The following GNS variants were observed in gnomAD, a reference collection of about 807,000 sequenced individuals.
GNS encodes N-acetylglucosamine-6-sulfatase.
In GNS, 40 loss-of-function variants were observed where a neutral mutation model predicts 69.7. The ratio of observed to expected loss-of-function variants is 0.57; its 90% CI spans 0.45 to 0.75. The LOEUF (loss-of-function observed/expected upper bound fraction) is 0.75. Ranked by LOEUF, GNS falls within the 30% of genes least tolerant of loss-of-function variation. The pLI is 0.00. For missense variants in GNS, 565 were observed against 685.5 expected (o/e 0.82, Z 1.96); for synonymous variants, 243 against 251.6 (o/e 0.97, Z 0.32).
At chr12:64,719,937 A>C in intron 13 of GNS, 85 bp downstream of exon 13, 1 of 872,806 alleles carries the variant, frequency 1.1e-6, no homozygotes, top group South Asian at 1.3e-5. Context: ...ATCATCTCAC[A>C]GCAAAAAGGG....
At chr12:64,747,531 T>G (rs572071968) in intron 3 of GNS, among the ~76,000 whole-genome samples, 181 bp downstream of exon 3, 1 of 152,232 alleles carries the variant, frequency 6.6e-6, no homozygotes, top group African/African-American at 2.4e-5. Context: ...CATGTAAATA[T>G]GTACATGTGT....
chr12:64,742,341 G>C (rs1356775476), intron 6 of GNS, among the ~76,000 whole-genome samples: 2 of 152,200 alleles, frequency 1.3e-5, no homozygotes, highest in African/African-American at 4.8e-5. Context: ...TTAAAACACA[G>C]TTCACTCAGC....
At chr12:64,750,343 TGGCCCA>T (rs1870039883) in intron 2 of GNS, among the ~76,000 whole-genome samples, 2 of 152,176 alleles carry the variant, frequency 1.3e-5, no homozygotes, top group South Asian at 4.2e-4. Context: ...CCACCATGCC[TGGCCCA>T]ATGCCCAGGT....
intron 2 of GNS, among the ~76,000 whole-genome samples, chr12:64,748,382 T>G (rs1869963911): frequency 6.6e-6 from 1 of 151,870 alleles, no homozygotes; most frequent in African/African-American, 2.4e-5. Flanking sequence ...TTTTCATTTT[T>G]TTATTTGTAG....
Position 64,755,577 on chromosome 12 carries a change from CAA to C in GNS, c.193-2822_193-2821del, listed in dbSNP as rs1287284127. ...TGGGTGACAGAGCAAGACTCCAACT[CAA>C]AAAAAAAAAAAAAATTATTCTTCCC... On this transcript the variant is annotated intron_variant, in intron 1 of 13. Coordinates refer to ENST00000258145, the MANE Select transcript of GNS (RefSeq NM_002076.4). 5.1e-3 allele frequency among the ~76,000 whole-genome samples: 510 copies of C among 99,724 alleles called. 3 individuals are homozygous for C. Among genetic ancestry groups the C allele is most frequent in the African/African-American group, 0.017 (468 of 28,304 alleles). 65.4% of individuals were successfully genotyped at this position (99,724 alleles called of 152,430 possible). A position where few individuals can be genotyped will look rare whatever the true frequency, so the allele number is the denominator to read the frequency against.
intron 1 of GNS, among the ~76,000 whole-genome samples, chr12:64,758,308 CCTTTT>C (rs1274898776): frequency 7.8e-5 from 9 of 115,692 alleles, no homozygotes; most frequent in African/African-American, 1.9e-4. Flanking sequence ...TCACTTCAGG[CCTTTT>C]TTTTTTTTTT....
Position 64,713,538 on chromosome 12 carries a change from G to C in GNS, c.*3203C>G, listed in dbSNP as rs1425633937. The stretch of plus-strand genomic sequence containing the variant: ...ACTTTCTAAGTCAAATGACTGAGAT[G>C]ACACAGAGCAAGGGCAGAATAGGAA... On this transcript the variant is annotated 3_prime_UTR_variant, in exon 14 of 14. Coordinates refer to ENST00000258145, the MANE Select transcript of GNS (RefSeq NM_002076.4). 3 of 152,654 alleles carry C rather than the reference G, an allele frequency of 2.0e-5. No individual in the cohort carries two copies. The highest frequency in any genetic ancestry group is 2.9e-5 in the Non-Finnish European group (2 of 68,030). The allele number at this position is 152,654 out of a possible 1,614,324, so 9.5% of individuals were successfully genotyped here. A position where few individuals can be genotyped will look rare whatever the true frequency, so the allele number is the denominator to read the frequency against.
In GNS at chr12:64,743,313, C is replaced by T; in HGVS notation, c.625-5G>A. The T allele has an allele frequency of 6.2e-7, 1 of 1,606,570 alleles. No homozygotes were observed. The highest frequency in any genetic ancestry group is 8.5e-7 in the Non-Finnish European group (1 of 1,173,278). On this transcript the variant is annotated splice_region_variant and splice_polypyrimidine_tract_variant and intron_variant, in intron 5 of 13. Coordinates refer to ENST00000258145, the MANE Select transcript of GNS (RefSeq NM_002076.4). Reference sequence around the variant, plus strand: ...AAAGTCCAAGGAGACATTAGCCTGACACATAAAAAGATTTGTCATCTCCTA... The same window carrying T: ...AAAGTCCAAGGAGACATTAGCCTGATACATAAAAAGATTTGTCATCTCCTA...
chr12:64,758,223 A>G (rs1174505021), intron 1 of GNS, among the ~76,000 whole-genome samples: 1 of 151,148 alleles, frequency 6.6e-6, no homozygotes, highest in East Asian at 1.9e-4. Context: ...GTTCAATCAC[A>G]CTAATTGAAT....
At chr12:64,724,596 G>A (rs939588077) in intron 10 of GNS, among the ~76,000 whole-genome samples, 5 of 152,192 alleles carry the variant, frequency 3.3e-5, no homozygotes, top group African/African-American at 9.7e-5. Flanking sequence ...GGTGGCTCAC[G>A]CCTGTAATCC....
At chr12:64,748,121 AACTG>A (rs1275843335) in intron 2 of GNS, among the ~76,000 whole-genome samples, 1 of 152,232 alleles carries the variant, frequency 6.6e-6, no homozygotes. Flanking sequence ...AGACAGAACA[AACTG>A]AGAACGGATT....
chr12:64,743,431 G>C, intron 5 of GNS, 123 bp from the exon 6 acceptor site: 1 of 730,790 alleles, frequency 1.4e-6, no homozygotes, highest in Non-Finnish European at 2.5e-6. Flanking sequence ...CTTAGCACAT[G>C]ATCTTATGTC....
Position 64,747,871 on chromosome 12 carries a change from T to G in GNS, c.300A>C (p.Thr100=), listed in dbSNP as rs370542872. 1 of 1,612,012 alleles carries G rather than the reference T, an allele frequency of 6.2e-7. No homozygotes were observed. Among genetic ancestry groups the G allele is most frequent in the Non-Finnish European group, 8.5e-7 (1 of 1,178,048 alleles). The change falls in exon 3 of 14, where the codon ACA becomes ACC. Residue 100 remains threonine (T), a synonymous_variant. Transcript: ENST00000258145. ...LCCPSRASIL[T]GKYPHNHHVV... is the part of the protein sequence containing the mutation. ...CGTGATGATTATGTGGGTACTTTCC[T>G]GTCAGGATACTGGCTCTGCTGGGGC... is the stretch of plus-strand genomic sequence containing the variant.
intron 1 of GNS, chr12:64,756,666 C>T: frequency 9.6e-7 from 1 of 1,046,830 alleles, no homozygotes; most frequent in Non-Finnish European, 1.4e-6. Flanking sequence ...AATCCTCATA[C>T]TCTGCTCGGC....
intron 11 of GNS, among the ~76,000 whole-genome samples, chr12:64,722,636 A>G (rs1324371803): frequency 2.0e-5 from 3 of 152,204 alleles, no homozygotes; most frequent in Non-Finnish European, 4.4e-5. Context: ...AGGCACTCAT[A>G]ATGGCATGGT....
intron 5 of GNS, 46 bp downstream of exon 5, chr12:64,744,763 T>C: frequency 1.1e-6 from 1 of 877,674 alleles, no homozygotes; most frequent in Non-Finnish European, 2.0e-6. Context: ...CAATCAAATG[T>C]GAGCCAACCC....
intron 11 of GNS, 65 bp from the exon 12 acceptor site, chr12:64,721,770 T>C: frequency 8.0e-6 from 7 of 873,534 alleles, no homozygotes; most frequent in Non-Finnish European, 1.4e-5. Flanking sequence ...CCTAGTTGCC[T>C]AGAAGGGCAA....
At chr12:64,754,890 C>CAA (rs202239574) in intron 1 of GNS, among the ~76,000 whole-genome samples, 173 of 124,278 alleles carry the variant, frequency 1.4e-3, no homozygotes, top group East Asian at 5.5e-3. Context: ...AACTTGTCTC[C>CAA]AAAAAAAAAA....
At chr12:64,721,403 A>G (rs1869023094) in intron 12 of GNS, among the ~76,000 whole-genome samples, 192 bp downstream of exon 12, 1 of 152,222 alleles carries the variant, frequency 6.6e-6, no homozygotes, top group South Asian at 2.1e-4. Context: ...AGAGAACTCA[A>G]TTCAGAAAGA....
Sources: allele counts gnomAD v4.1 joint callset (sites outside exome capture counted in the v4.1 genomes callset), GRCh38; gene constraint gnomAD v4.1.1; transcripts MANE v1.5; gene names NCBI Gene and HGNC (gene_info 2026-07-23, HGNC 2026-07-21).